Variants in TSPAN11 observed in about 807,000 individuals in gnomAD.
The protein encoded by TSPAN11 is tetraspanin-11.
Under a neutral mutation model 32.9 loss-of-function variants are expected in TSPAN11, and 29 were observed. The ratio of observed to expected loss-of-function variants is 0.88; its 90% confidence interval spans 0.66 to 1.20. TSPAN11 has a LOEUF of 1.20. Among genes scored for constraint, TSPAN11 ranks in the 50% most tolerant of loss-of-function variants. TSPAN11 has a pLI of 0.00. For synonymous variants in TSPAN11, 140 were observed against 141.3 expected (o/e 0.99, Z 0.07); for missense variants, 283 against 329.1 (o/e 0.86, Z 1.08).
chr12:30,975,954 A>G lies in TSPAN11; in HGVS notation c.277-2607A>G, dbSNP rs1462346928. Among the ~76,000 whole-genome samples the G allele has an allele frequency of 1.3e-5, 2 of 152,100 alleles. No homozygotes were observed. The highest frequency in any genetic ancestry group is 2.9e-5 in the Non-Finnish European group (2 of 68,002). The stretch of plus-strand genomic sequence containing the variant: ...TCCGGCCTCAGCACCGTAGCTGAGG[A>G]TGGTGGAGGGAAGTTTGGAGCAGGC... On this transcript the variant is annotated intron_variant, in intron 3 of 7. Transcript: ENST00000546076. The surrounding 1 kb of genome is among the most constrained non-coding windows in gnomAD (Gnocchi z 4.5).
chr12:30,963,354 A>G (rs1005376277), intron 2 of TSPAN11, among the ~76,000 whole-genome samples: 1 of 152,196 alleles, frequency 6.6e-6, no homozygotes. Context: ...GTGCTTCCCC[A>G]ATGGGCAAAC....
In TSPAN11 at chr12:30,982,832, G is replaced by T. The variant is rs568314056; in HGVS notation, c.615+142G>T. On this transcript the variant is annotated intron_variant, in intron 6 of 7. Transcript: ENST00000546076. Reference sequence around the variant, plus strand: ...TTGGCCACGAGCCCACAGTGTCTGGGGCTTTCCAGAGTCTCTACAAAGCCC... The same window carrying T: ...TTGGCCACGAGCCCACAGTGTCTGGTGCTTTCCAGAGTCTCTACAAAGCCC... The T allele has an allele frequency of 1.3e-5, 17 of 1,305,518 alleles. No individual in the cohort carries two copies. In the East Asian group the frequency reaches 4.1e-4, roughly 31 times the overall value. 80.9% of individuals were successfully genotyped at this position (1,305,518 alleles called of 1,614,324 possible).
Position 30,995,527 on chromosome 12 carries a change from G to A in TSPAN11, c.*3612G>A, listed in dbSNP as rs1939399950. 6.6e-6 allele frequency: 1 copy of A among 152,282 alleles called. No homozygotes were observed. Among genetic ancestry groups the A allele is most frequent in the Non-Finnish European group, 1.5e-5 (1 of 68,120 alleles). 9.4% of individuals were successfully genotyped at this position (152,282 alleles called of 1,614,324 possible). A position where few individuals can be genotyped will look rare whatever the true frequency, so the allele number is the denominator to read the frequency against. ...GGAATATGGTAGATCATTGTGATGT[G>A]CCTCGGGGCCCTCTTGCCTTGGAGC... On this transcript the variant is annotated 3_prime_UTR_variant, in exon 8 of 8. Transcript: ENST00000546076.
chr12:31,003,046 A>T, the TSPAN11 span, among the ~76,000 whole-genome samples: 2 of 152,230 alleles, frequency 1.3e-5, no homozygotes, highest in Non-Finnish European at 1.5e-5. Flanking sequence ...TCCACATCAG[A>T]CATCCTACTG....
At chr12:30,959,618 A>AG (rs926546033) in intron 2 of TSPAN11, among the ~76,000 whole-genome samples, 1 of 151,658 alleles carries the variant, frequency 6.6e-6, no homozygotes, top group Non-Finnish European at 1.5e-5. Context: ...ACCCAGGAAA[A>AG]AAAATACAAA....
At chr12:30,941,768 G>A (rs373287674) in intron 1 of TSPAN11, among the ~76,000 whole-genome samples, 1 of 152,234 alleles carries the variant, frequency 6.6e-6, no homozygotes, top group Non-Finnish European at 1.5e-5. Context: ...CACCCATGGG[G>A]CACCCCAGCT....
intron 1 of TSPAN11, among the ~76,000 whole-genome samples, chr12:30,949,873 C>A (rs2140281581): frequency 6.6e-6 from 1 of 152,278 alleles, no homozygotes; most frequent in East Asian, 1.9e-4. Flanking sequence ...CTGTGGGCCA[C>A]CCTGTCTTCC....
At chr12:30,989,289 G>A (rs1939264183) in intron 7 of TSPAN11, among the ~76,000 whole-genome samples, 2 of 152,202 alleles carry the variant, frequency 1.3e-5, no homozygotes, top group South Asian at 2.1e-4. Context: ...AAGGCTTCCT[G>A]GAGGAAGTGA....
intron 2 of TSPAN11, among the ~76,000 whole-genome samples, chr12:30,960,782 T>C (rs950291362): frequency 7.2e-5 from 11 of 151,934 alleles, no homozygotes; most frequent in Non-Finnish European, 1.6e-4. Flanking sequence ...CTCACACCTG[T>C]AATCCCAGCA....
At chr12:30,930,223 T>C (rs772091640) in intron 1 of TSPAN11, among the ~76,000 whole-genome samples, 1 of 152,162 alleles carries the variant, frequency 6.6e-6, no homozygotes, top group Non-Finnish European at 1.5e-5. Context: ...TGTACATGTA[T>C]GTTTTCCAAG....
chr12:30,964,380 CT>C (rs35862592), intron 3 of TSPAN11, among the ~76,000 whole-genome samples: 5,876 of 151,708 alleles, frequency 0.039, 374 homozygotes, highest in African/African-American at 0.13. Flanking sequence ...ATCCCGTTTC[CT>C]TCTTATTCTC....
chr12:30,963,443 G>C (rs1938654969), intron 2 of TSPAN11, among the ~76,000 whole-genome samples: 1 of 152,238 alleles, frequency 6.6e-6, no homozygotes, highest in Non-Finnish European at 1.5e-5. Context: ...GCTCTGAAGG[G>C]ATAGGAGCCA....
intron 2 of TSPAN11, among the ~76,000 whole-genome samples, chr12:30,962,523 A>G (rs1454098831): frequency 6.6e-6 from 1 of 152,228 alleles, no homozygotes; most frequent in Non-Finnish European, 1.5e-5. Flanking sequence ...AAAGCTCAGA[A>G]GAGAAAATGG....
chr12:31,011,893 G>C, the TSPAN11 span, among the ~76,000 whole-genome samples: 1 of 152,200 alleles, frequency 6.6e-6, no homozygotes, highest in South Asian at 2.1e-4. Context: ...AGTTGCCCTG[G>C]TCAGCTTCTC....
the TSPAN11 span, among the ~76,000 whole-genome samples, chr12:31,008,641 A>G: frequency 6.6e-6 from 1 of 151,940 alleles, no homozygotes; most frequent in African/African-American, 2.4e-5. Context: ...GACAGGCTCT[A>G]CTCCCTCCAC....
Position 30,975,857 on chromosome 12 carries a change from T to C in TSPAN11, c.277-2704T>C, listed in dbSNP as rs1592489625. On this transcript the variant is annotated intron_variant, in intron 3 of 7. Transcript: ENST00000546076. This position sits in a 1 kb window ranked among gnomAD's most constrained non-coding sequence, Gnocchi z 4.5. ...CCTGTCAGGGGCACTCCATCACCTCTTCCTCCCATGCCCCAGAGGTCTCTG... is the reference window on the plus strand; with the variant it reads ...CCTGTCAGGGGCACTCCATCACCTCCTCCTCCCATGCCCCAGAGGTCTCTG... Among the ~76,000 whole-genome samples the C allele has an allele frequency of 6.6e-6, 1 of 152,124 alleles. No homozygotes were observed. Among genetic ancestry groups the C allele is most frequent in the East Asian group, 1.9e-4 (1 of 5,184 alleles).
At position 30,951,685 on chromosome 12, in the gene TSPAN11, AG is replaced by A. The variant is rs1373999840; in HGVS notation, c.-11-2294del. On this transcript the variant is annotated intron_variant, in intron 1 of 7. Transcript: ENST00000546076. ...TTCCATAAATACTAGCTACACAGGGAGGTTAAATAACTTGCCCAAGGTCACA... is the reference window on the plus strand; with the variant it reads ...TTCCATAAATACTAGCTACACAGGGAGTTAAATAACTTGCCCAAGGTCACA... Among the ~76,000 whole-genome samples, 61 of 152,318 alleles carry A rather than the reference AG, an allele frequency of 4.0e-4. 1 individual carries two copies. The highest frequency in any genetic ancestry group is 6.8e-3 in the Middle Eastern group (2 of 294).
At chr12:30,985,185 G>A (rs1939176791) in intron 7 of TSPAN11, among the ~76,000 whole-genome samples, 1 of 152,076 alleles carries the variant, frequency 6.6e-6, no homozygotes, top group South Asian at 2.1e-4. Flanking sequence ...GCCATCTACA[G>A]CTGTGGACCT....
rs796251736 is a variant in TSPAN11 at position 30,952,050 on chromosome 12, C to T, written c.-11-1931C>T. On this transcript the variant is annotated intron_variant, in intron 1 of 7. Coordinates refer to ENST00000546076, the MANE Select transcript of TSPAN11 (RefSeq NM_001370302.1). ...TTTACCATTAGAATGGTTTCTTTTC[C>T]TTAAGCCTTGTCTTCTGCCTGAAGT... Among the ~76,000 whole-genome samples the T allele has an allele frequency of 1.2e-4, 18 of 152,314 alleles. 1 individual carries two copies. Among genetic ancestry groups the T allele is most frequent in the African/African-American group, 4.1e-4 (17 of 41,558 alleles).
Sources: allele counts gnomAD v4.1 joint callset (sites outside exome capture counted in the v4.1 genomes callset), GRCh38; gene constraint gnomAD v4.1.1; non-coding constraint Gnocchi (gnomAD v3.1); transcripts MANE v1.5; gene names NCBI Gene and HGNC (gene_info 2026-07-23, HGNC 2026-07-21).